The following HOOK3 variants were observed in gnomAD, a reference collection of about 807,000 sequenced individuals.
The protein encoded by HOOK3 is hook microtubule tethering protein 3.
HOOK3 carries 24 observed loss-of-function variants against 116.3 expected under a neutral mutation model. That is an observed-to-expected ratio of 0.21 (90% CI 0.15 to 0.29). The LOEUF is 0.29. Among genes scored for constraint, HOOK3 ranks in the 10% least tolerant of loss-of-function variants. The probability of loss-of-function intolerance (pLI) is 1.00; values close to 1 mark genes in which losing one functional copy is unlikely to be tolerated. For synonymous variants in HOOK3, 275 were observed against 283.0 expected, an observed-to-expected ratio of 0.97 and a Z score of 0.28; for missense variants, 632 against 830.2, an observed-to-expected ratio of 0.76 and a Z score of 2.93.
intron 21 of HOOK3, among the ~76,000 whole-genome samples, chr8:43,017,328 G>A (rs764346273): frequency 6.6e-5 from 10 of 152,182 alleles, no homozygotes; most frequent in Non-Finnish European, 1.5e-4. Flanking sequence ...GTGCGGTGGT[G>A]TAATCACGGC....
At chr8:42,945,537 C>T (rs181492674) in intron 5 of HOOK3, among the ~76,000 whole-genome samples, 11 of 152,278 alleles carry the variant, frequency 7.2e-5, no homozygotes, top group African/African-American at 2.4e-4. Flanking sequence ...TCTCAAACTC[C>T]TGACCTCAAG....
In HOOK3 at chr8:42,897,120, G is replaced by C; in HGVS notation, c.-12G>C. On this transcript the variant is annotated 5_prime_UTR_variant, in exon 1 of 22. Coordinates refer to ENST00000307602, the MANE Select transcript of HOOK3 (RefSeq NM_032410.4). Reference sequence around the variant, plus strand: ...GCCAGGCGGTAGGCGCTGCCTGGCCGCGGCGGGGAAGATGTTCAGCGTAGA... The same window carrying C: ...GCCAGGCGGTAGGCGCTGCCTGGCCCCGGCGGGGAAGATGTTCAGCGTAGA... 2 of 1,244,230 alleles carry C rather than the reference G, an allele frequency of 1.6e-6. No homozygotes were observed. Among genetic ancestry groups the C allele is most frequent in the Non-Finnish European group, 2.0e-6 (2 of 988,932 alleles). 77.1% of individuals were successfully genotyped at this position (1,244,230 alleles called of 1,614,324 possible).
rs1809908136 is a variant in HOOK3 at position 43,025,035 on chromosome 8, A to G, written c.*6537A>G. 1 of 207,124 alleles carries G rather than the reference A, an allele frequency of 4.8e-6. No homozygotes were observed. The highest frequency in any genetic ancestry group is 9.8e-6 in the Non-Finnish European group (1 of 101,644). The allele number at this position is 207,124 out of a possible 1,614,324, so 12.8% of individuals were successfully genotyped here. A position where few individuals can be genotyped will look rare whatever the true frequency, so the allele number is the denominator to read the frequency against. ...TAGAAACTTATAAAACATTTAATTC[A>G]TGTTGACTTAAAACATGGGCATCCT... On this transcript the variant is annotated 3_prime_UTR_variant, in exon 22 of 22. Transcript: ENST00000307602.
At position 42,966,476 on chromosome 8, in the gene HOOK3, A is replaced by G. The variant is rs149353104; in HGVS notation, c.783A>G (p.Leu261=). ...LEQLQEETFR[L]EAAKDDYRIR... is the part of the protein sequence containing the mutation. ...GTCTATTTTATATCGGTTACAGACT[A>G]GAAGCAGCCAAAGATGATTATCGAA... The change falls in exon 10 of 22, where the codon CTA becomes CTG. Residue 261 remains leucine (L), a synonymous_variant. Coordinates refer to ENST00000307602, the MANE Select transcript of HOOK3 (RefSeq NM_032410.4). The G allele has an allele frequency of 2.5e-5, 41 of 1,614,122 alleles. No homozygotes were observed. The African/African-American group carries it at 4.5e-4, about 18-fold the overall frequency.
chr8:43,006,932 G>A (rs1198227449), intron 17 of HOOK3, among the ~76,000 whole-genome samples: 1 of 150,876 alleles, frequency 6.6e-6, no homozygotes, highest in African/African-American at 2.4e-5. Flanking sequence ...CAAATACCAG[G>A]GGAAAATATC....
intron 4 of HOOK3, among the ~76,000 whole-genome samples, chr8:42,939,449 C>T: frequency 6.7e-6 from 1 of 149,788 alleles, no homozygotes; most frequent in Non-Finnish European, 1.5e-5. Context: ...AGAGGGGCTC[C>T]TCACTTCCCA....
Position 43,025,753 on chromosome 8 carries a change from G to C in HOOK3, c.*7255G>C, listed in dbSNP as rs1466399337. On this transcript the variant is annotated 3_prime_UTR_variant, in exon 22 of 22. Transcript: ENST00000307602. ...GGTGGCTGAAAATCGTGACCAACTT[G>C]GTGTTATCTAGATCTGCTTTATCTA... The C allele has an allele frequency of 2.8e-5, 6 of 216,208 alleles. No homozygotes were observed. The highest frequency in any genetic ancestry group is 4.6e-5 in the Non-Finnish European group (5 of 107,630). 13.4% of individuals were successfully genotyped at this position (216,208 alleles called of 1,614,324 possible).
chr8:42,994,239 C>T lies in HOOK3; in HGVS notation c.1533-3311C>T, dbSNP rs1460150860. On this transcript the variant is annotated intron_variant, in intron 15 of 21. Transcript: ENST00000307602. ...CCATGTTGGCCAGGCTTGTCTCAAA[C>T]TCCTAACCTCAAGTGATCCACCCAC... 2.6e-5 allele frequency among the ~76,000 whole-genome samples: 4 copies of T among 152,278 alleles called. No individual in the cohort carries two copies. In the East Asian group the frequency reaches 7.7e-4, roughly 29 times the overall value.
intron 15 of HOOK3, among the ~76,000 whole-genome samples, chr8:42,990,835 C>CAT (rs1809146290): frequency 6.6e-6 from 1 of 152,110 alleles, no homozygotes; most frequent in African/African-American, 2.4e-5. Context: ...GATGTGATCC[C>CAT]ATTTGCTCCT....
chr8:42,947,637 A>G (rs940407286), intron 5 of HOOK3, among the ~76,000 whole-genome samples: 12 of 152,196 alleles, frequency 7.9e-5, no homozygotes, highest in African/African-American at 2.7e-4. Flanking sequence ...TGCTCTCAGG[A>G]ACATAGTAGA....
At chr8:42,898,773 G>A (rs1807119020) in intron 1 of HOOK3, among the ~76,000 whole-genome samples, 1 of 152,136 alleles carries the variant, frequency 6.6e-6, no homozygotes, top group South Asian at 2.1e-4. Flanking sequence ...GTTACATCCC[G>A]GTAAACCCAT....
chr8:43,014,283 C>CAAA lies in HOOK3; in HGVS notation c.2016+884_2016+885insAAA, dbSNP rs1442156669. On this transcript the variant is annotated intron_variant, in intron 21 of 21. Transcript: ENST00000307602. ...CCTGGGTGACACAGCAAGACTGTCT[C>CAAA]AGAAAAAAAAAAAAAAAAAAAAAAG... Among the ~76,000 whole-genome samples the CAAA allele has an allele frequency of 3.6e-4, 28 of 76,996 alleles. 1 individual carries two copies. Among genetic ancestry groups the CAAA allele is most frequent in the African/African-American group, 1.2e-3 (24 of 19,638 alleles). 50.5% of individuals were successfully genotyped at this position (76,996 alleles called of 152,430 possible).
intron 5 of HOOK3, chr8:42,949,605 T>C (rs1808298850): frequency 6.6e-6 from 1 of 152,186 alleles, no homozygotes; most frequent in African/African-American, 2.4e-5. Context: ...AGTTTCATTT[T>C]TTTTGTTTGC....
chr8:42,902,268 C>G (rs1240316350), intron 1 of HOOK3, among the ~76,000 whole-genome samples: 1 of 150,850 alleles, frequency 6.6e-6, no homozygotes, highest in Non-Finnish European at 1.5e-5. Context: ...TATTCTCTCT[C>G]TCTCTCTCTT....
Position 43,019,369 on chromosome 8 carries a change from A to G in HOOK3, c.*871A>G, listed in dbSNP as rs1215082312. On this transcript the variant is annotated 3_prime_UTR_variant, in exon 22 of 22. Transcript: ENST00000307602. ...TCCACATCTAAAAGAGTTATCTTTCATATATGTACAAGTTATTGGTAGTCT... is the reference window on the plus strand; with the variant it reads ...TCCACATCTAAAAGAGTTATCTTTCGTATATGTACAAGTTATTGGTAGTCT... The G allele has an allele frequency of 1.9e-5, 4 of 214,570 alleles. No individual in the cohort carries two copies. Among genetic ancestry groups the G allele is most frequent in the Non-Finnish European group, 3.8e-5 (4 of 106,508 alleles). The allele number at this position is 214,570 out of a possible 1,614,324, so 13.3% of individuals were successfully genotyped here.
chr8:42,897,232 C>T, intron 1 of HOOK3, 44 bp downstream of exon 1: 1 of 1,202,154 alleles, frequency 8.3e-7, no homozygotes, highest in African/African-American at 1.6e-5. Context: ...CCTCCCCCCG[C>T]CACCTACCGG....
At chr8:42,912,964 T>A (rs868073554) in intron 2 of HOOK3, among the ~76,000 whole-genome samples, 9 of 152,226 alleles carry the variant, frequency 5.9e-5, no homozygotes, top group Non-Finnish European at 2.9e-5. Context: ...TGCATAGTTT[T>A]GCCTTTTCTG....
intron 15 of HOOK3, among the ~76,000 whole-genome samples, chr8:42,988,264 G>C (rs942108081): frequency 6.6e-6 from 1 of 152,310 alleles, no homozygotes; most frequent in Middle Eastern, 3.4e-3. Flanking sequence ...AGCAGCTGGC[G>C]GGTGGGCAGT....
intron 4 of HOOK3, among the ~76,000 whole-genome samples, chr8:42,939,807 G>T (rs575606546): frequency 6.6e-6 from 1 of 150,858 alleles, no homozygotes; most frequent in African/African-American, 2.4e-5. Flanking sequence ...CTTCTCAGAC[G>T]GGGCGGCCGG....
Sources: gnomAD v4.1 joint callset for allele counts (sites outside exome capture counted in the v4.1 genomes callset) on GRCh38, gnomAD v4.1.1 for gene constraint, MANE v1.5 for transcripts, NCBI Gene and HGNC (gene_info 2026-07-23, HGNC 2026-07-21) for gene names.